HS6ST3: variants seen among roughly 807,000 people sequenced by gnomAD.
HS6ST3 encodes heparan sulfate 6-O-sulfotransferase 3.
A neutral mutation model predicts 36.7 loss-of-function variants in HS6ST3; 12 were observed. That is an observed-to-expected ratio of 0.33 (90% confidence interval 0.21 to 0.53). The LOEUF (loss-of-function observed/expected upper bound fraction) is 0.53. HS6ST3 is among the 20% of genes least tolerant of loss of function. The probability of loss-of-function intolerance (pLI) is 0.95; values close to 1 mark genes in which losing one functional copy is unlikely to be tolerated. For missense variants in HS6ST3, 584 were observed against 640.9 expected (o/e 0.91, Z 0.96); for synonymous variants, 240 against 257.5 (o/e 0.93, Z 0.65).
chr13:96,389,480 C>T (rs566308944), intron 1 of HS6ST3, among the ~76,000 whole-genome samples: 1 of 152,090 alleles, frequency 6.6e-6, no homozygotes, highest in African/African-American at 2.4e-5. Flanking sequence ...ATCATTTATA[C>T]CCCTTGCTCC....
chr13:96,793,413 A>G (rs762648603), intron 1 of HS6ST3, among the ~76,000 whole-genome samples: 1 of 152,048 alleles, frequency 6.6e-6, no homozygotes, highest in Non-Finnish European at 1.5e-5. Flanking sequence ...AGACGTCTAT[A>G]AACAGAAACA....
intron 1 of HS6ST3, among the ~76,000 whole-genome samples, chr13:96,721,937 G>A (rs1187028124): frequency 6.6e-6 from 1 of 152,086 alleles, no homozygotes; most frequent in Non-Finnish European, 1.5e-5. Context: ...CAGAGATTGG[G>A]GATTTAACAT....
At chr13:96,468,113 A>G (rs2138888237) in intron 1 of HS6ST3, among the ~76,000 whole-genome samples, 1 of 152,272 alleles carries the variant, frequency 6.6e-6, no homozygotes, top group East Asian at 1.9e-4. Flanking sequence ...GTTTTCTTTA[A>G]CCATACCTTA....
At chr13:96,708,974 A>G (rs562578269) in intron 1 of HS6ST3, among the ~76,000 whole-genome samples, 2 of 152,198 alleles carry the variant, frequency 1.3e-5, no homozygotes, top group East Asian at 3.9e-4. Context: ...TCAACATGTG[A>G]TATGATTTGG....
Position 96,112,578 on chromosome 13 carries a change from A to AATAAATAT in HS6ST3, c.707+21012_707+21013insAATATATA, listed in dbSNP as rs1366560422. Among the ~76,000 whole-genome samples, 8 of 81,244 alleles carry AATAAATAT rather than the reference A, an allele frequency of 9.8e-5. No homozygotes were observed. In the South Asian group the frequency reaches 1.3e-3, roughly 14 times the overall value. 53.3% of individuals were successfully genotyped at this position (81,244 alleles called of 152,430 possible). A position where few individuals can be genotyped will look rare whatever the true frequency, so the allele number is the denominator to read the frequency against. On this transcript the variant is annotated intron_variant, in intron 1 of 1. Coordinates refer to ENST00000376705, the MANE Select transcript of HS6ST3 (RefSeq NM_153456.4). ...TAAAACCCCATCTCTAAAATAAATAAATATATATATATATATATATATATA... is the reference window on the plus strand; with the variant it reads ...TAAAACCCCATCTCTAAAATAAATAAATAAATATATATATATATATATATATATATATA...
rs576048474 is a variant in HS6ST3 at position 96,719,461 on chromosome 13, C to A, written c.708-113029C>A. On this transcript the variant is annotated intron_variant, in intron 1 of 1. Transcript: ENST00000376705. Reference sequence around the variant, plus strand: ...ATTAAGGTTTTCATAAATATTTGAACCCTGTGAAAATAATCTCATCAGCAT... The same window carrying A: ...ATTAAGGTTTTCATAAATATTTGAAACCTGTGAAAATAATCTCATCAGCAT... 6.6e-5 allele frequency among the ~76,000 whole-genome samples: 10 copies of A among 152,022 alleles called. No individual in the cohort carries two copies. The East Asian group carries it at 1.7e-3, about 26-fold the overall frequency.
At chr13:96,717,247 C>A (rs912001563) in intron 1 of HS6ST3, among the ~76,000 whole-genome samples, 1 of 152,264 alleles carries the variant, frequency 6.6e-6, no homozygotes, top group South Asian at 2.1e-4. Context: ...ATTCTGCTGT[C>A]CACTTGCATG....
chr13:96,210,109 T>C (rs1329392458), intron 1 of HS6ST3, among the ~76,000 whole-genome samples: 1 of 152,288 alleles, frequency 6.6e-6, no homozygotes, highest in East Asian at 1.9e-4. Flanking sequence ...AGATATTTTT[T>C]CCCCCTATGT....
intron 1 of HS6ST3, among the ~76,000 whole-genome samples, chr13:96,329,890 G>A (rs1392853742): frequency 6.9e-6 from 1 of 144,064 alleles, no homozygotes; most frequent in Non-Finnish European, 1.5e-5. Context: ...TATATATTTA[G>A]GATAGTTAGC....
chr13:96,829,781 A>G (rs1329505142), intron 1 of HS6ST3, among the ~76,000 whole-genome samples: 3 of 152,194 alleles, frequency 2.0e-5, no homozygotes, highest in Non-Finnish European at 4.4e-5. Context: ...TGTCTTTGCT[A>G]TCACGAATAG....
chr13:96,658,871 A>C (rs2056636435), intron 1 of HS6ST3, among the ~76,000 whole-genome samples: 1 of 151,426 alleles, frequency 6.6e-6, no homozygotes, highest in Non-Finnish European at 1.5e-5. Context: ...ACACCCAGCT[A>C]ATTTTTTTGT....
At chr13:96,097,405 C>T (rs1002406003) in intron 1 of HS6ST3, among the ~76,000 whole-genome samples, 4 of 152,128 alleles carry the variant, frequency 2.6e-5, no homozygotes, top group Admixed American at 6.5e-5. Context: ...TAATTGAGAC[C>T]GGCAAATCCT....
chr13:96,729,753 A>T (rs1248118511), intron 1 of HS6ST3, among the ~76,000 whole-genome samples: 1 of 152,194 alleles, frequency 6.6e-6, no homozygotes, highest in East Asian at 1.9e-4. Context: ...GGCGTGAGCA[A>T]CCACGCCCGG....
chr13:96,464,035 T>C (rs2055798703), intron 1 of HS6ST3, among the ~76,000 whole-genome samples: 1 of 145,604 alleles, frequency 6.9e-6, no homozygotes, highest in Non-Finnish European at 1.5e-5. Context: ...TTTTTTTTTT[T>C]TTTTTTTTAA....
At chr13:96,095,615 C>G (rs1267423761) in intron 1 of HS6ST3, among the ~76,000 whole-genome samples, 2 of 152,142 alleles carry the variant, frequency 1.3e-5, no homozygotes, top group Non-Finnish European at 2.9e-5. Context: ...TTCCCATACT[C>G]CTTTCGATAT....
chr13:96,253,614 C>G (rs1007210930), intron 1 of HS6ST3, among the ~76,000 whole-genome samples: 3 of 152,174 alleles, frequency 2.0e-5, no homozygotes, highest in Non-Finnish European at 4.4e-5. Flanking sequence ...GCCTCATATT[C>G]CACCGTCTCA....
intron 1 of HS6ST3, among the ~76,000 whole-genome samples, chr13:96,398,742 T>G (rs572296877): frequency 6.6e-6 from 1 of 152,312 alleles, no homozygotes; most frequent in African/African-American, 2.4e-5. Flanking sequence ...TTGTGACTTG[T>G]TTCCAGCTGA....
chr13:96,430,333 CTT>C (rs2055608632), intron 1 of HS6ST3, among the ~76,000 whole-genome samples: 2 of 152,176 alleles, frequency 1.3e-5, no homozygotes, highest in South Asian at 4.1e-4. Flanking sequence ...AATTGGCTGT[CTT>C]TGTCTGGCAA....
chr13:96,400,155 T>TCACACA (rs55957302), intron 1 of HS6ST3, among the ~76,000 whole-genome samples: 42,187 of 145,226 alleles, frequency 0.29, 6,378 homozygotes, highest in Non-Finnish European at 0.36. Context: ...AGTGCTGAAA[T>TCACACA]CACACACACA....
Sources: gnomAD v4.1 joint callset for allele counts (sites outside exome capture counted in the v4.1 genomes callset) on GRCh38, gnomAD v4.1.1 for gene constraint, MANE v1.5 for transcripts, NCBI Gene and HGNC (gene_info 2026-07-23, HGNC 2026-07-21) for gene names.